Variants in PHGDH observed in about 807,000 individuals in gnomAD.
PHGDH encodes the protein phosphoglycerate dehydrogenase.
Under a neutral mutation model 52.6 loss-of-function variants are expected in PHGDH, and 50 were observed. The ratio of observed to expected loss-of-function variants is 0.95; its 90% confidence interval spans 0.76 to 1.20. The LOEUF is 1.20. Ranked by LOEUF, PHGDH falls within the 50% of genes most tolerant of loss-of-function variation. The probability of loss-of-function intolerance (pLI) is 0.00; values close to 1 mark genes in which losing one functional copy is unlikely to be tolerated. For missense variants in PHGDH, 630 were observed against 684.6 expected, an observed-to-expected ratio of 0.92 and a Z score of 0.89; for synonymous variants, 271 against 280.5, an observed-to-expected ratio of 0.97 and a Z score of 0.34.
intron 1 of PHGDH, chr1:119,712,557 G>T (rs961085397): frequency 1.4e-5 from 4 of 281,786 alleles, no homozygotes; most frequent in Admixed American, 9.7e-5. Flanking sequence ...GCCTCCGCGC[G>T]GGGCGATCGG....
At chr1:119,725,370 T>C (rs1355506645) in intron 3 of PHGDH, among the ~76,000 whole-genome samples, 4 of 151,882 alleles carry the variant, frequency 2.6e-5, no homozygotes, top group African/African-American at 4.8e-5. Flanking sequence ...CACTGTGGAG[T>C]CTGGTGGGAA....
chr1:119,741,704 T>C, intron 9 of PHGDH, 63 bp from the exon 10 acceptor site: 1 of 1,510,374 alleles, frequency 6.6e-7, no homozygotes, highest in African/African-American at 1.4e-5. Flanking sequence ...GCCAGTGGCT[T>C]CCTGCCCCCT....
intron 9 of PHGDH, among the ~76,000 whole-genome samples, chr1:119,741,331 C>T (rs371511978): frequency 1.3e-5 from 2 of 152,134 alleles, no homozygotes; most frequent in African/African-American, 2.4e-5. Flanking sequence ...GTCCAAGCGC[C>T]GAAGGAAACA....
chr1:119,733,328 T>C lies in PHGDH; in HGVS notation c.511-1306T>C, dbSNP rs587695676. On this transcript the variant is annotated intron_variant, in intron 5 of 11. Coordinates refer to ENST00000641023, the MANE Select transcript of PHGDH (RefSeq NM_006623.4). ...TGAAGTCCTCTTTCCTATTACGTTC[T>C]TTTTTATTTTGTTTTATTTTTTTTT... 2.0e-4 allele frequency among the ~76,000 whole-genome samples: 30 copies of C among 151,492 alleles called. No homozygotes were observed. The South Asian group carries it at 5.9e-3, about 30-fold the overall frequency.
chr1:119,727,428 C>T (rs912258035), intron 5 of PHGDH: 3 of 406,946 alleles, frequency 7.4e-6, no homozygotes, highest in Non-Finnish European at 1.4e-5. Flanking sequence ...AGACACGGTG[C>T]AGCATTGAGG....
At chr1:119,742,309 C>A (rs950745259) in intron 10 of PHGDH, 1 of 355,522 alleles carries the variant, frequency 2.8e-6, no homozygotes, top group Non-Finnish European at 5.3e-6. Context: ...CACGGCTTCC[C>A]GTTGGCGCCT....
At chr1:119,730,494 G>T (rs1407367390) in intron 5 of PHGDH, among the ~76,000 whole-genome samples, 1 of 152,146 alleles carries the variant, frequency 6.6e-6, no homozygotes, top group Non-Finnish European at 1.5e-5. Context: ...CTATGCATTT[G>T]CACAGAATGC....
rs1170743834 is a variant in PHGDH at position 119,723,486 on chromosome 1, A to G, written c.356+45A>G. The G allele has an allele frequency of 5.6e-6, 8 of 1,419,566 alleles. No homozygotes were observed. The African/African-American group carries it at 8.4e-5, about 15-fold the overall frequency. 87.9% of individuals were successfully genotyped at this position (1,419,566 alleles called of 1,614,324 possible). A position where few individuals can be genotyped will look rare whatever the true frequency, so the allele number is the denominator to read the frequency against. ...GCAAAGCTAGTCTCTCCGATATGCC[A>G]ATTATTACCACTTGCCAAGCAAATG... On this transcript the variant is annotated intron_variant, in intron 3 of 11. Transcript: ENST00000641023.
chr1:119,733,379 C>T lies in PHGDH; in HGVS notation c.511-1255C>T, dbSNP rs116212828. 4.2e-3 allele frequency among the ~76,000 whole-genome samples: 624 copies of T among 148,810 alleles called. 3 individuals carry two copies. The highest frequency in any genetic ancestry group is 7.3e-3 in the Non-Finnish European group (493 of 67,530). On this transcript the variant is annotated intron_variant, in intron 5 of 11. Transcript: ENST00000641023. ...TTTTTTCTGAGACATCTTGTTCTGT[C>T]ACCCAGGCTGGAGTGCAGTGGCACA...
At chr1:119,735,039 C>T in intron 6 of PHGDH, 1 of 624,912 alleles carries the variant, frequency 1.6e-6, no homozygotes, top group South Asian at 1.9e-5. Flanking sequence ...CTTTCTGATT[C>T]CCAGACCCAC....
intron 3 of PHGDH, among the ~76,000 whole-genome samples, chr1:119,723,853 C>T (rs1018663397): frequency 6.6e-5 from 10 of 152,020 alleles, no homozygotes; most frequent in African/African-American, 2.4e-4. Context: ...ATCCAAGAAG[C>T]TCTCTGGCTT....
At chr1:119,717,257 A>AAAAAAAAAAAAAAAT (rs1650976725) in intron 1 of PHGDH, among the ~76,000 whole-genome samples, 1 of 150,096 alleles carries the variant, frequency 6.7e-6, no homozygotes, top group Non-Finnish European at 1.5e-5. Flanking sequence ...AAAAAAAAAA[A>AAAAAAAAAAAAAAAT]AAAAGTTGAT....
intron 1 of PHGDH, chr1:119,712,424 C>G: frequency 2.2e-6 from 1 of 448,328 alleles, no homozygotes; most frequent in Admixed American, 3.4e-5. Flanking sequence ...AAAGTGCGGG[C>G]TGCTCCAACT....
At chr1:119,725,090 C>T in intron 3 of PHGDH, 2 of 431,478 alleles carry the variant, frequency 4.6e-6, no homozygotes, top group Admixed American at 5.1e-5. Context: ...AAGAACAGCA[C>T]ACAGAAAGGA....
intron 6 of PHGDH, chr1:119,735,050 T>C (rs918953391): frequency 9.5e-6 from 6 of 632,590 alleles, no homozygotes; most frequent in Non-Finnish European, 1.7e-5. Flanking sequence ...CCAGACCCAC[T>C]TGAAACAGTA....
chr1:119,717,134 A>C (rs587597574), intron 1 of PHGDH, among the ~76,000 whole-genome samples: 45 of 149,124 alleles, frequency 3.0e-4, no homozygotes, highest in African/African-American at 1.1e-3. Flanking sequence ...CGGGAGGCTG[A>C]AGCAGGAGAA....
intron 11 of PHGDH, among the ~76,000 whole-genome samples, chr1:119,743,502 G>C (rs1652304965): frequency 6.6e-6 from 1 of 152,230 alleles, no homozygotes; most frequent in African/African-American, 2.4e-5. Context: ...GTCAGCTGGG[G>C]CTTGGGCTGC....
intron 3 of PHGDH, among the ~76,000 whole-genome samples, chr1:119,725,827 C>T (rs1028097326): frequency 1.3e-5 from 2 of 152,170 alleles, no homozygotes; most frequent in Non-Finnish European, 2.9e-5. Flanking sequence ...GCTGGCCGTG[C>T]TGGGGTTGAC....
rs1418732437 is a variant in PHGDH, at chr1:119,738,781, G to C, written c.945+1515G>C. Among the ~76,000 whole-genome samples, 24 of 152,070 alleles carry C rather than the reference G, an allele frequency of 1.6e-4. 1 individual carries two copies. Among genetic ancestry groups the C allele is most frequent in the Admixed American group, 1.4e-3 (21 of 15,272 alleles). ...ATAAGCTCTGGCAGAGCGAGGGGGT[G>C]GGGGAGGGAGGGGGACCTTGCAGAG... On this transcript the variant is annotated intron_variant, in intron 8 of 11. Coordinates refer to ENST00000641023, the MANE Select transcript of PHGDH (RefSeq NM_006623.4).
Sources: allele counts gnomAD v4.1 joint callset (sites outside exome capture counted in the v4.1 genomes callset), GRCh38; gene constraint gnomAD v4.1.1; transcripts MANE v1.5; gene names NCBI Gene and HGNC (gene_info 2026-07-23, HGNC 2026-07-21).